The following CHSY3 variants were observed in gnomAD, a reference collection of about 807,000 sequenced individuals.
CHSY3 encodes N-acetylgalactosaminyl-proteoglycan 3-beta-glucuronosyltransferase 3.
In CHSY3, 35 loss-of-function variants were observed where a neutral mutation model predicts 67.2. The observed-to-expected ratio is 0.52, with a 90% CI of 0.40 to 0.69. The LOEUF is 0.69. CHSY3 is among the 30% of genes least tolerant of loss of function. The probability of loss-of-function intolerance (pLI) is 0.00; values close to 1 mark genes in which losing one functional copy is unlikely to be tolerated. For synonymous variants in CHSY3, 474 were observed against 434.7 expected, an observed-to-expected ratio of 1.09 and a Z score of -1.12; for missense variants, 1,069 against 1,138.5, an observed-to-expected ratio of 0.94 and a Z score of 0.88.
At chr5:129,987,950 C>A (rs1052143381) in intron 2 of CHSY3, among the ~76,000 whole-genome samples, 1 of 152,194 alleles carries the variant, frequency 6.6e-6, no homozygotes, top group East Asian at 1.9e-4. Context: ...TTCTTAAAAT[C>A]TTTCCGTTTT....
chr5:129,958,853 A>G, intron 2 of CHSY3, among the ~76,000 whole-genome samples: 1 of 152,120 alleles, frequency 6.6e-6, no homozygotes, highest in East Asian at 1.9e-4. Context: ...CTTCTTTGTA[A>G]GAAGACAGAG....
intron 2 of CHSY3, among the ~76,000 whole-genome samples, chr5:129,957,646 T>C (rs1762216024): frequency 6.6e-6 from 1 of 152,148 alleles, no homozygotes; most frequent in African/African-American, 2.4e-5. Flanking sequence ...ATCAACTGTG[T>C]TCTATTTTTC....
chr5:129,907,970 A>T, intron 1 of CHSY3, 107 bp from the exon 2 acceptor site: 1 of 1,481,668 alleles, frequency 6.7e-7, no homozygotes, highest in Non-Finnish European at 8.9e-7. Context: ...CAGTTGTGTA[A>T]GACTGAGGAT....
intron 2 of CHSY3, chr5:130,140,671 C>T (rs901796187): frequency 1.5e-5 from 5 of 340,734 alleles, no homozygotes; most frequent in African/African-American, 8.8e-5. Flanking sequence ...GAATCTCTGA[C>T]GTTAGGTCTA....
intron 2 of CHSY3, among the ~76,000 whole-genome samples, chr5:129,990,179 A>G (rs1440035959): frequency 1.3e-5 from 2 of 152,192 alleles, no homozygotes; most frequent in African/African-American, 4.8e-5. Flanking sequence ...ACAAAATTAC[A>G]GATTTATTAT....
At chr5:130,048,624 C>A (rs1336368985) in intron 2 of CHSY3, among the ~76,000 whole-genome samples, 2 of 151,990 alleles carry the variant, frequency 1.3e-5, no homozygotes, top group Non-Finnish European at 2.9e-5. Context: ...CAGATCTGTG[C>A]TAATTACTCT....
chr5:129,961,444 C>T (rs1741687774), intron 2 of CHSY3, among the ~76,000 whole-genome samples: 1 of 151,962 alleles, frequency 6.6e-6, no homozygotes, highest in African/African-American at 2.4e-5. Flanking sequence ...CTTACTGCCC[C>T]CTTTTAAGAA....
intron 2 of CHSY3, among the ~76,000 whole-genome samples, chr5:130,102,986 G>A (rs1314459222): frequency 6.6e-6 from 1 of 151,824 alleles, no homozygotes; most frequent in Non-Finnish European, 1.5e-5. Flanking sequence ...TTATTTATTT[G>A]CCTAACAACA....
intron 2 of CHSY3, among the ~76,000 whole-genome samples, chr5:129,937,028 T>C (rs1761515973): frequency 6.6e-6 from 1 of 152,220 alleles, no homozygotes; most frequent in Non-Finnish European, 1.5e-5. Context: ...GAGTTCTCTC[T>C]CTTTCTCACT....
chr5:130,124,421 C>T (rs1029156980), intron 2 of CHSY3, among the ~76,000 whole-genome samples: 9 of 151,624 alleles, frequency 5.9e-5, no homozygotes, highest in Non-Finnish European at 1.3e-4. Flanking sequence ...AATTTATCTG[C>T]ACTTCAGTAC....
intron 2 of CHSY3, among the ~76,000 whole-genome samples, chr5:130,012,711 G>T (rs188235058): frequency 6.6e-6 from 1 of 152,008 alleles, no homozygotes; most frequent in Non-Finnish European, 1.5e-5. Flanking sequence ...AAGATTCCTC[G>T]TGTGACACAG....
intron 2 of CHSY3, among the ~76,000 whole-genome samples, chr5:130,078,316 G>A (rs1331311214): frequency 6.6e-6 from 1 of 152,046 alleles, no homozygotes; most frequent in Non-Finnish European, 1.5e-5. Flanking sequence ...TGATCATGAT[G>A]CTGAGATGCT....
rs773814817 is a variant in CHSY3, at chr5:129,933,715, A to G, written c.1086+25355A>G. Among the ~76,000 whole-genome samples the G allele has an allele frequency of 2.3e-4, 35 of 152,250 alleles. No homozygotes were observed. In the Middle Eastern group the frequency reaches 0.031, roughly 134 times the overall value. ...TAAGTATACCCCTGGAATGGGATTTATATAACCCTACACTCATTTAACATT... is the reference window on the plus strand; with the variant it reads ...TAAGTATACCCCTGGAATGGGATTTGTATAACCCTACACTCATTTAACATT... On this transcript the variant is annotated intron_variant, in intron 2 of 2. Transcript: ENST00000305031.
intron 2 of CHSY3, among the ~76,000 whole-genome samples, chr5:130,035,054 C>A (rs993470670): frequency 1.3e-5 from 2 of 152,046 alleles, no homozygotes; most frequent in African/African-American, 4.8e-5. Flanking sequence ...ACTAGGATGT[C>A]TGTGCTGGTG....
intron 2 of CHSY3, among the ~76,000 whole-genome samples, chr5:130,088,757 C>T (rs1310311674): frequency 6.6e-6 from 1 of 152,118 alleles, no homozygotes; most frequent in Non-Finnish European, 1.5e-5. Context: ...AATAGGAACA[C>T]TTTTACATTG....
chr5:129,992,057 A>T (rs1312784006), intron 2 of CHSY3, among the ~76,000 whole-genome samples: 1 of 152,192 alleles, frequency 6.6e-6, no homozygotes, highest in East Asian at 1.9e-4. Context: ...CCTTTTAATT[A>T]ATTAAAGTTG....
chr5:130,158,030 C>T (rs1328385539), intron 2 of CHSY3, among the ~76,000 whole-genome samples: 4 of 152,204 alleles, frequency 2.6e-5, no homozygotes, highest in African/African-American at 9.6e-5. Context: ...ATTTTAAAAG[C>T]AGTGGGGACG....
intron 2 of CHSY3, among the ~76,000 whole-genome samples, chr5:130,048,006 TA>T (rs1055412450): frequency 1.1e-4 from 17 of 151,008 alleles, no homozygotes; most frequent in Admixed American, 7.9e-4. Context: ...CGCGTGGCTG[TA>T]AAAAAAGAAG....
At chr5:129,985,303 T>C (rs1432137060) in intron 2 of CHSY3, among the ~76,000 whole-genome samples, 1 of 152,236 alleles carries the variant, frequency 6.6e-6, no homozygotes, top group African/African-American at 2.4e-5. Flanking sequence ...TTGCTTGTTA[T>C]TGTCAGCTTT....
Sources: allele counts gnomAD v4.1 joint callset (sites outside exome capture counted in the v4.1 genomes callset), GRCh38; gene constraint gnomAD v4.1.1; transcripts MANE v1.5; gene names NCBI Gene and HGNC (gene_info 2026-07-23, HGNC 2026-07-21).